The following RPS6KA5 variants were observed in gnomAD, a reference collection of about 807,000 sequenced individuals.
RPS6KA5 encodes ribosomal protein S6 kinase alpha-5.
RPS6KA5 carries 27 observed loss-of-function variants against 85.5 expected under a neutral mutation model. That is an observed-to-expected ratio of 0.32 (90% confidence interval 0.23 to 0.44). The LOEUF is 0.44. RPS6KA5 is among the 20% of genes least tolerant of loss of function. The pLI, the probability that RPS6KA5 is intolerant of heterozygous loss-of-function variation, is 1.00. For synonymous variants in RPS6KA5, 334 were observed against 348.2 expected (o/e 0.96, Z 0.46); for missense variants, 811 against 980.9 (o/e 0.83, Z 2.31).
intron 1 of RPS6KA5, among the ~76,000 whole-genome samples, chr14:91,012,827 C>A (rs1055722394): frequency 1.3e-5 from 2 of 152,216 alleles, no homozygotes; most frequent in Admixed American, 6.5e-5. Context: ...GTTAAAACAA[C>A]CCCCTCAAAA....
intron 4 of RPS6KA5, among the ~76,000 whole-genome samples, chr14:90,944,482 G>A (rs2037761811): frequency 2.6e-5 from 4 of 151,956 alleles, no homozygotes; most frequent in Admixed American, 2.0e-4. Context: ...TGGGCCAGGA[G>A]TGGTGGCTAA....
chr14:90,875,628 A>C (rs2033410186), intron 14 of RPS6KA5, among the ~76,000 whole-genome samples: 2 of 152,004 alleles, frequency 1.3e-5, no homozygotes, highest in South Asian at 4.2e-4. Flanking sequence ...CACTATTCAC[A>C]ATAGCAAAGA....
intron 1 of RPS6KA5, among the ~76,000 whole-genome samples, chr14:91,004,348 G>A (rs1356671196): frequency 6.6e-6 from 1 of 152,008 alleles, no homozygotes; most frequent in African/African-American, 2.4e-5. Context: ...TGGGATTACA[G>A]GCGTGAGCCA....
chr14:90,950,908 G>A (rs1021592006), intron 3 of RPS6KA5, among the ~76,000 whole-genome samples: 3 of 151,302 alleles, frequency 2.0e-5, no homozygotes, highest in East Asian at 3.9e-4. Context: ...ATCACTTGAC[G>A]TCATGGGTTT....
At chr14:90,985,110 T>G (rs189296796) in intron 2 of RPS6KA5, among the ~76,000 whole-genome samples, 100 of 152,126 alleles carry the variant, frequency 6.6e-4, no homozygotes, top group Non-Finnish European at 1.1e-3. Context: ...CCCATCTAAT[T>G]TTTTGTATTT....
In RPS6KA5 at chr14:90,868,031, T is replaced by C. The variant is rs1393052953; in HGVS notation, c.*4043A>G. 1 of 152,186 alleles carries C rather than the reference T, an allele frequency of 6.6e-6. No individual in the cohort carries two copies. Among genetic ancestry groups the C allele is most frequent in the African/African-American group, 2.4e-5 (1 of 41,434 alleles). The allele number at this position is 152,186 out of a possible 1,614,324, so 9.4% of individuals were successfully genotyped here. A position where few individuals can be genotyped will look rare whatever the true frequency, so the allele number is the denominator to read the frequency against. ...CTAATCAAATGTTCTTAGCAAGATG[T>C]TGCCCCCCTGAAAATATGCTCCCCC... On this transcript the variant is annotated 3_prime_UTR_variant, in exon 17 of 17. Coordinates refer to ENST00000614987, the MANE Select transcript of RPS6KA5 (RefSeq NM_004755.4).
At chr14:90,906,718 G>C (rs1343226901) in intron 7 of RPS6KA5, among the ~76,000 whole-genome samples, 2 of 152,026 alleles carry the variant, frequency 1.3e-5, no homozygotes, top group East Asian at 1.9e-4. Context: ...GGACAAAAGA[G>C]AACAACCATC....
intron 16 of RPS6KA5, 34 bp from the exon 17 acceptor site, chr14:90,872,356 G>C: frequency 6.4e-7 from 1 of 1,574,422 alleles, no homozygotes. Flanking sequence ...CCCTGTGAAG[G>C]TAAAAGTACT....
At chr14:91,057,344 A>C (rs946748292) in intron 1 of RPS6KA5, among the ~76,000 whole-genome samples, 2 of 152,190 alleles carry the variant, frequency 1.3e-5, no homozygotes, top group Admixed American at 1.3e-4. Context: ...CAATAAACTT[A>C]CTAGACTTGC....
In RPS6KA5 at chr14:90,859,839, T is replaced by C. The variant is rs373652353; in HGVS notation, c.*12235A>G. 43 of 152,298 alleles carry C rather than the reference T, an allele frequency of 2.8e-4. No individual in the cohort carries two copies. Among genetic ancestry groups the C allele is most frequent in the African/African-American group, 1.0e-3 (42 of 41,562 alleles). 9.4% of individuals were successfully genotyped at this position (152,298 alleles called of 1,614,324 possible). On this transcript the variant is annotated 3_prime_UTR_variant, in exon 17 of 17. Coordinates refer to ENST00000614987, the MANE Select transcript of RPS6KA5 (RefSeq NM_004755.4). ...GGATGGATGAAGCTGGAAACCATCA[T>C]TCTCAGCAAACTATCAAAAGATCAG... is the stretch of plus-strand genomic sequence containing the variant.
intron 1 of RPS6KA5, among the ~76,000 whole-genome samples, chr14:91,009,992 G>A (rs2041188671): frequency 1.3e-5 from 2 of 150,546 alleles, no homozygotes; most frequent in Admixed American, 6.6e-5. Flanking sequence ...GAAGGTGGAA[G>A]TGCATGAAGA....
Position 90,848,902 on chromosome 14 carries a change from G to A in RPS6KA5, c.*23172C>T, listed in dbSNP as rs760056702. On this transcript the variant is annotated 3_prime_UTR_variant, in exon 17 of 17. Coordinates refer to ENST00000614987, the MANE Select transcript of RPS6KA5 (RefSeq NM_004755.4). ...CTGCTTCCTTCTTAAAAACCTAGGG[G>A]GAAGGTGAGCTCCTGGGACATAAAT... 3 of 152,042 alleles carry A rather than the reference G, an allele frequency of 2.0e-5. No homozygotes were observed. The highest frequency in any genetic ancestry group is 4.8e-5 in the African/African-American group (2 of 41,386). The allele number at this position is 152,042 out of a possible 1,614,324, so 9.4% of individuals were successfully genotyped here.
At chr14:90,956,985 T>TC (rs1197045386) in intron 3 of RPS6KA5, among the ~76,000 whole-genome samples, 1 of 108,462 alleles carries the variant, frequency 9.2e-6, no homozygotes, top group South Asian at 2.9e-4. Flanking sequence ...TTTTTTTTTT[T>TC]CCCAGTGAAT....
At chr14:90,969,181 G>T (rs1428558420) in intron 3 of RPS6KA5, among the ~76,000 whole-genome samples, 1 of 152,160 alleles carries the variant, frequency 6.6e-6, no homozygotes, top group Non-Finnish European at 1.5e-5. Context: ...AATTTGAACT[G>T]AAGATCTCTA....
At chr14:90,961,598 G>C (rs531361583) in intron 3 of RPS6KA5, among the ~76,000 whole-genome samples, 1 of 151,858 alleles carries the variant, frequency 6.6e-6, no homozygotes, top group Non-Finnish European at 1.5e-5. Context: ...GCTTTTTCCA[G>C]TTAAATTTTG....
chr14:90,873,883 C>T, intron 15 of RPS6KA5, 88 bp from the exon 16 acceptor site: 2 of 1,148,210 alleles, frequency 1.7e-6, no homozygotes, highest in Non-Finnish European at 2.5e-6. Flanking sequence ...GCTATGTTCA[C>T]ATGACATAAT....
At chr14:90,969,558 T>C (rs1049762750) in intron 3 of RPS6KA5, among the ~76,000 whole-genome samples, 4 of 152,246 alleles carry the variant, frequency 2.6e-5, no homozygotes, top group East Asian at 1.9e-4. Context: ...TTTAAGGCTA[T>C]GTCTTGCTCG....
intron 7 of RPS6KA5, among the ~76,000 whole-genome samples, chr14:90,910,426 G>A (rs1401182947): frequency 6.6e-6 from 1 of 152,064 alleles, no homozygotes; most frequent in Non-Finnish European, 1.5e-5. Flanking sequence ...TAGGCAGACA[G>A]GAAATAAGCA....
chr14:90,903,027 G>A, intron 8 of RPS6KA5, 58 bp from the exon 9 acceptor site: 1 of 1,429,106 alleles, frequency 7.0e-7, no homozygotes, highest in Non-Finnish European at 9.7e-7. Flanking sequence ...TACTTTCTAA[G>A]AATAACAAAG....
Sources: gnomAD v4.1 joint callset for allele counts (sites outside exome capture counted in the v4.1 genomes callset) on GRCh38, gnomAD v4.1.1 for gene constraint, MANE v1.5 for transcripts, NCBI Gene and HGNC (gene_info 2026-07-23, HGNC 2026-07-21) for gene names.